Variants in LGALS3BP observed in about 807,000 individuals in gnomAD.
The protein encoded by LGALS3BP is galectin-3-binding protein.
In LGALS3BP, 25 loss-of-function variants were observed where a neutral mutation model predicts 22.9. The ratio of observed to expected loss-of-function variants is 1.09; its 90% CI spans 0.80 to 1.53. The LOEUF (loss-of-function observed/expected upper bound fraction) is 1.53. Among genes scored for constraint, LGALS3BP ranks in the 40% most tolerant of loss-of-function variants. The pLI, the probability that LGALS3BP is intolerant of heterozygous loss-of-function variation, is 0.00. For missense variants in LGALS3BP, 718 were observed against 752.0 expected (o/e 0.95, Z 0.53); for synonymous variants, 335 against 331.1 (o/e 1.01, Z -0.13).
chr17:78,975,701 A>G (rs1224817964), intron 3 of LGALS3BP, among the ~76,000 whole-genome samples: 1 of 145,554 alleles, frequency 6.9e-6, no homozygotes, highest in Non-Finnish European at 1.5e-5. Flanking sequence ...CTGAGACAGG[A>G]GAATCACTTG....
intron 3 of LGALS3BP, 87 bp from the exon 4 acceptor site, chr17:78,974,906 C>T: frequency 1.3e-6 from 2 of 1,537,136 alleles, no homozygotes; most frequent in East Asian, 2.3e-5. Context: ...GTTCTCCGCC[C>T]CGGCCGTGTG....
rs764650997 is a variant in LGALS3BP, at chr17:78,977,185, G to C, written c.7C>G (p.Pro3Ala). The C allele has an allele frequency of 1.9e-6, 3 of 1,613,030 alleles. No homozygotes were observed. In the African/African-American group the frequency reaches 4.0e-5, roughly 22 times the overall value. Reference protein sequence around the residue: MTPPRLFWVWLLV... With the variant: MTAPRLFWVWLLV... ...AGCCACACCCAGAAGAGCCTCGGAG[G>C]GGTCATGGCCGTGCCTGGATGCCCA... Residue 3 changes from proline (P) to alanine (A), a missense_variant, in exon 2 of 6, where the codon CCT (proline) becomes GCT (alanine). By Grantham distance (27) the Pro-to-Ala change is conservative. Transcript: ENST00000262776.
rs968684090 is a variant in LGALS3BP, at chr17:78,976,003, T to A, written c.206A>T (p.Asn69Ile). 6.2e-7 allele frequency: 1 copy of A among 1,612,200 alleles called. No individual in the cohort carries two copies. The highest frequency in any genetic ancestry group is 1.7e-5 in the Admixed American group (1 of 59,894). The part of the protein sequence containing the change: ...SVVCRALGFE[N>I]ATQALGRAAF... ...AGCTCTGCCCAGAGCCTGGGTGGCG[T>A]TCTCGAAGCCCAGGGCCCGGCAGAC... The change falls in exon 3 of 6, where the codon AAC becomes ATC. Residue 69 changes from asparagine to isoleucine, a missense_variant. Physicochemically the swap from Asn to Ile is moderately radical, Grantham distance 149 (BLOSUM62 -3). Coordinates refer to ENST00000262776, the MANE Select transcript of LGALS3BP (RefSeq NM_005567.4). The surrounding 1 kb of genome is among the most constrained non-coding windows in gnomAD (Gnocchi z 4.6).
chr17:78,972,752 G>A lies in LGALS3BP; in HGVS notation c.630-48C>T. ...GATGCCGGCCCCACAGGACAGCAGG[G>A]GAGCCCTGGGCCCAACTGTCCAACA... On this transcript the variant is annotated intron_variant, in intron 5 of 5. Coordinates refer to ENST00000262776, the MANE Select transcript of LGALS3BP (RefSeq NM_005567.4). This position sits in a 1 kb window ranked among gnomAD's most constrained non-coding sequence, Gnocchi z 5.1. The A allele has an allele frequency of 6.6e-7, 1 of 1,509,944 alleles. No homozygotes were observed. The highest frequency in any genetic ancestry group is 1.3e-5 in the South Asian group (1 of 74,692). 93.5% of individuals were successfully genotyped at this position (1,509,944 alleles called of 1,614,324 possible).
rs998905042 is a variant in LGALS3BP, at chr17:78,976,476, A to C, written c.53-320T>G. ...GAGGTGGCAAGACCCTGAGGGAAGGATAGGAGGGGAACGGAGGCCCCGTGC... is the reference window on the plus strand; with the variant it reads ...GAGGTGGCAAGACCCTGAGGGAAGGCTAGGAGGGGAACGGAGGCCCCGTGC... On this transcript the variant is annotated intron_variant, in intron 2 of 5. Transcript: ENST00000262776. The surrounding 1 kb of genome is among the most constrained non-coding windows in gnomAD (Gnocchi z 4.6). Among the ~76,000 whole-genome samples the C allele has an allele frequency of 1.3e-5, 2 of 152,152 alleles. No individual in the cohort carries two copies. The highest frequency in any genetic ancestry group is 4.8e-5 in the African/African-American group (2 of 41,442).
rs1253436568 is a variant in LGALS3BP at position 78,972,696 on chromosome 17, T to C, written c.638A>G (p.Tyr213Cys). Residue 213 changes from tyrosine to cysteine, a missense_variant, in exon 6 of 6, where the codon TAC becomes TGC. Tyr to Cys is a radical substitution (Grantham distance 194). Transcript: ENST00000262776. This position sits in a 1 kb window ranked among gnomAD's most constrained non-coding sequence, Gnocchi z 5.1. Reference sequence around the variant, plus strand: ...CAGGGTGATGTCAATCCTTCGGGAGTAGAAGTACCTGGGGAGAAAGAAGGA... The same window carrying C: ...CAGGGTGATGTCAATCCTTCGGGAGCAGAAGTACCTGGGGAGAAAGAAGGA... ...PMVRDLLRYF[Y>C]SRRIDITLSS... is the part of the protein sequence containing the mutation. 17 of 1,515,274 alleles carry C rather than the reference T, an allele frequency of 1.1e-5. No individual in the cohort carries two copies. Among genetic ancestry groups the C allele is most frequent in the Non-Finnish European group, 1.5e-5 (17 of 1,132,040 alleles). The allele number at this position is 1,515,274 out of a possible 1,614,324, so 93.9% of individuals were successfully genotyped here. A position where few individuals can be genotyped will look rare whatever the true frequency, so the allele number is the denominator to read the frequency against.
At chr17:78,974,369 G>A (rs1002236811) in intron 4 of LGALS3BP, among the ~76,000 whole-genome samples, 1 of 152,222 alleles carries the variant, frequency 6.6e-6, no homozygotes, top group South Asian at 2.1e-4. Flanking sequence ...CTGAGCGGAC[G>A]CTGGCATTTC....
In LGALS3BP at chr17:78,976,932, C is replaced by G; in HGVS notation, c.52+208G>C. ...GATTCCCTAGTGTCCTCTCTATAAC[C>G]TGCATCTCACCTGAACCCAGGTGAG... is the stretch of plus-strand genomic sequence containing the variant. On this transcript the variant is annotated intron_variant, in intron 2 of 5. Transcript: ENST00000262776. This position sits in a 1 kb window ranked among gnomAD's most constrained non-coding sequence, Gnocchi z 4.6. 1.6e-6 allele frequency: 1 copy of G among 609,776 alleles called. No homozygotes were observed. Among genetic ancestry groups the G allele is most frequent in the Non-Finnish European group, 2.9e-6 (1 of 339,614 alleles). 37.8% of individuals were successfully genotyped at this position (609,776 alleles called of 1,614,324 possible).
intron 1 of LGALS3BP, among the ~76,000 whole-genome samples, chr17:78,979,006 C>T (rs1443724532): frequency 6.6e-6 from 1 of 151,690 alleles, no homozygotes; most frequent in Non-Finnish European, 1.5e-5. Context: ...ATCCGGCAGG[C>T]AGAGATTGTA....
chr17:78,974,776 G>C lies in LGALS3BP; in HGVS notation c.288C>G (p.Thr96=). ...IMLDEVQCTG[T]EASLADCKSL... The stretch of plus-strand genomic sequence containing the variant: ...ACTTGCAGTCGGCCAGTGAGGCCTC[G>C]GTTCCCGTGCACTGGACCTCATCCA... The change falls in exon 4 of 6, where the codon ACC becomes ACG. Residue 96 remains threonine, a synonymous_variant. Transcript: ENST00000262776. 1.2e-6 allele frequency: 2 copies of C among 1,613,824 alleles called. No individual in the cohort carries two copies. The highest frequency in any genetic ancestry group is 1.7e-6 in the Non-Finnish European group (2 of 1,180,006).
rs1375305324 is a variant in LGALS3BP, at chr17:78,971,974, TGTAGTCAGAGGGGGCTTGGAA to T, written c.1339_1359del (p.Phe447_Tyr453del). ...TGGAAGGACTGGTAGGGGTAGTATC[TGTAGTCAGAGGGGGCTTGGAA>T]GTAATCAGAAGAATATTTGACCAAA... On this transcript the variant is annotated inframe_deletion, in exon 6 of 6. Coordinates refer to ENST00000262776, the MANE Select transcript of LGALS3BP (RefSeq NM_005567.4). The surrounding 1 kb of genome is among the most constrained non-coding windows in gnomAD (Gnocchi z 5.6). 4 of 1,614,090 alleles carry T rather than the reference TGTAGTCAGAGGGGGCTTGGAA, an allele frequency of 2.5e-6. No individual in the cohort carries two copies. In the East Asian group the frequency reaches 8.9e-5, roughly 36 times the overall value.
chr17:78,976,253 G>A lies in LGALS3BP; in HGVS notation c.53-97C>T, dbSNP rs11868281. ...TGCTGTCCTGGGTCTCCCCTGCTGA[G>A]CTTGTATTTCAGGGCTTCAAGGTCC... On this transcript the variant is annotated intron_variant, in intron 2 of 5. Transcript: ENST00000262776. This position sits in a 1 kb window ranked among gnomAD's most constrained non-coding sequence, Gnocchi z 4.6. 0.017 allele frequency: 19,342 copies of A among 1,139,910 alleles called. 2,256 individuals carry two copies. In the African/African-American group the frequency reaches 0.26, roughly 15 times the overall value. The allele number at this position is 1,139,910 out of a possible 1,614,324, so 70.6% of individuals were successfully genotyped here. A position where few individuals can be genotyped will look rare whatever the true frequency, so the allele number is the denominator to read the frequency against.
chr17:78,976,223 C>T lies in LGALS3BP; in HGVS notation c.53-67G>A. ...CACCCACCGCCCACACCTCCAGGCC[C>T]CATATGCTGTCCTGGGTCTCCCCTG... On this transcript the variant is annotated intron_variant, in intron 2 of 5. Transcript: ENST00000262776. This position sits in a 1 kb window ranked among gnomAD's most constrained non-coding sequence, Gnocchi z 4.6. 2.2e-6 allele frequency: 3 copies of T among 1,376,918 alleles called. No homozygotes were observed. Among genetic ancestry groups the T allele is most frequent in the Non-Finnish European group, 2.9e-6 (3 of 1,023,676 alleles). 85.3% of individuals were successfully genotyped at this position (1,376,918 alleles called of 1,614,324 possible). A position where few individuals can be genotyped will look rare whatever the true frequency, so the allele number is the denominator to read the frequency against.
rs550754128 is a variant in LGALS3BP, at chr17:78,974,585, T to C, written c.376+103A>G. 60 of 1,383,582 alleles carry C rather than the reference T, an allele frequency of 4.3e-5. No individual in the cohort carries two copies. The African/African-American group carries it at 7.7e-4, about 18-fold the overall frequency. 85.7% of individuals were successfully genotyped at this position (1,383,582 alleles called of 1,614,324 possible). A position where few individuals can be genotyped will look rare whatever the true frequency, so the allele number is the denominator to read the frequency against. Reference sequence around the variant, plus strand: ...TGGGCAGGCGGTAGTGGAAGGAACCTTTGTGTGCTTCATGTGCGTGGGGGG... The same window carrying C: ...TGGGCAGGCGGTAGTGGAAGGAACCCTTGTGTGCTTCATGTGCGTGGGGGG... On this transcript the variant is annotated intron_variant, in intron 4 of 5. Coordinates refer to ENST00000262776, the MANE Select transcript of LGALS3BP (RefSeq NM_005567.4).
intron 2 of LGALS3BP, 113 bp downstream of exon 2, chr17:78,977,027 A>C (rs878870106): frequency 9.2e-7 from 1 of 1,085,596 alleles, no homozygotes; most frequent in South Asian, 1.3e-5. Flanking sequence ...AGATCTGGCT[A>C]ACCGCTGGGC....
At position 78,975,648 on chromosome 17, in the gene LGALS3BP, C is replaced by T. The variant is rs148057749; in HGVS notation, c.244+317G>A. ...TCTACTAAAAAATACAAAAATCAGC[C>T]GGGCATGGTGGCAGGTACCTGTAAT... On this transcript the variant is annotated intron_variant, in intron 3 of 5. Coordinates refer to ENST00000262776, the MANE Select transcript of LGALS3BP (RefSeq NM_005567.4). Among the ~76,000 whole-genome samples, 417 of 151,812 alleles carry T rather than the reference C, an allele frequency of 2.7e-3. 3 individuals carry two copies. The East Asian group carries it at 0.032, about 12-fold the overall frequency.
At chr17:78,974,333 C>A (rs2070700184) in intron 4 of LGALS3BP, among the ~76,000 whole-genome samples, 1 of 152,260 alleles carries the variant, frequency 6.6e-6, no homozygotes, top group Non-Finnish European at 1.5e-5. Context: ...CGGGCTTGAG[C>A]CTGTCGCGTG....
At chr17:78,979,272 TG>T (rs2070745217) in intron 1 of LGALS3BP, among the ~76,000 whole-genome samples, 1 of 152,268 alleles carries the variant, frequency 6.6e-6, no homozygotes, top group South Asian at 2.1e-4. Context: ...AGGGCCAAGC[TG>T]AATTCTAACC....
At position 78,972,523 on chromosome 17, in the gene LGALS3BP, C is replaced by T. The variant is rs996117351; in HGVS notation, c.811G>A (p.Gly271Arg). 6.2e-7 allele frequency: 1 copy of T among 1,612,466 alleles called. No individual in the cohort carries two copies. The highest frequency in any genetic ancestry group is 1.3e-5 in the African/African-American group (1 of 75,048). Residue 271 changes from glycine (G) to arginine (R), a missense_variant, in exon 6 of 6, where the codon GGG becomes AGG. Transcript: ENST00000262776. The surrounding 1 kb of genome is among the most constrained non-coding windows in gnomAD (Gnocchi z 5.1). ...LDLYAYAVATGDALLEKLCLQ... is the reference protein window; with the variant it reads ...LDLYAYAVATRDALLEKLCLQ... ...CAGAGCTTCTCCAGCAGGGCGTCCC[C>T]TGTGGCCACTGCATAGGCATACAGG...
Sources: gnomAD v4.1 joint callset for allele counts (sites outside exome capture counted in the v4.1 genomes callset) on GRCh38, gnomAD v4.1.1 for gene constraint, Gnocchi (gnomAD v3.1) non-coding constraint, MANE v1.5 for transcripts, NCBI Gene and HGNC (gene_info 2026-07-23, HGNC 2026-07-21) for gene names.